The following ARF3 variants were observed in gnomAD, a reference collection of about 807,000 sequenced individuals.
The protein encoded by ARF3 is ARF GTPase 3.
Under a neutral mutation model 19.3 loss-of-function variants are expected in ARF3, and 5 were observed. That is an observed-to-expected ratio of 0.26 (90% CI 0.14 to 0.54). The LOEUF (loss-of-function observed/expected upper bound fraction) is 0.54. ARF3 is among the 20% of genes least tolerant of loss of function. The pLI is 0.95. For synonymous variants in ARF3, 71 were observed against 89.2 expected, an observed-to-expected ratio of 0.80 and a Z score of 1.15; for missense variants, 77 against 234.2, an observed-to-expected ratio of 0.33 and a Z score of 4.38.
At chr12:48,945,816 AT>A (rs552070414) in intron 1 of ARF3, among the ~76,000 whole-genome samples, 1 of 151,494 alleles carries the variant, frequency 6.6e-6, no homozygotes, top group East Asian at 1.9e-4. Flanking sequence ...TTATTTATTT[AT>A]TTTTTTTGAG....
chr12:48,945,966 C>G (rs548892024), intron 1 of ARF3, among the ~76,000 whole-genome samples: 11 of 152,246 alleles, frequency 7.2e-5, no homozygotes, highest in African/African-American at 2.6e-4. Flanking sequence ...CCATGCCTTG[C>G]TAATTTTTAT....
intron 1 of ARF3, among the ~76,000 whole-genome samples, chr12:48,948,206 C>CAA (rs151164110): frequency 0.042 from 6,234 of 147,454 alleles, 197 homozygotes; most frequent in Non-Finnish European, 0.061. Context: ...GAATATGTCT[C>CAA]AAAAAAAAGA....
intron 1 of ARF3, among the ~76,000 whole-genome samples, chr12:48,950,854 C>T (rs772860467): frequency 3.3e-5 from 5 of 151,938 alleles, no homozygotes; most frequent in Non-Finnish European, 5.9e-5. Flanking sequence ...GGCGCAATCT[C>T]GGCTCACTGC....
chr12:48,945,413 G>C (rs1293282002), intron 1 of ARF3, among the ~76,000 whole-genome samples: 2 of 151,992 alleles, frequency 1.3e-5, no homozygotes, highest in African/African-American at 4.8e-5. Flanking sequence ...CCCTGTCTCT[G>C]CTAAAAATAC....
chr12:48,939,159 C>T lies in ARF3; in HGVS notation c.385-51G>A. ...AAGAAGCCTCAGGATTTTTTAAAGG[C>T]TTCTAGAACACCCATCTACCAAAGA... is the stretch of plus-strand genomic sequence containing the variant. On this transcript the variant is annotated intron_variant, in intron 4 of 4. Transcript: ENST00000256682. The surrounding 1 kb of genome is among the most constrained non-coding windows in gnomAD (Gnocchi z 4.8). 6.3e-7 allele frequency: 1 copy of T among 1,575,564 alleles called. No homozygotes were observed. Among genetic ancestry groups the T allele is most frequent in the Non-Finnish European group, 8.6e-7 (1 of 1,156,506 alleles).
At chr12:48,950,691 C>T (rs1021734901) in intron 1 of ARF3, among the ~76,000 whole-genome samples, 2 of 152,156 alleles carry the variant, frequency 1.3e-5, no homozygotes, top group African/African-American at 2.4e-5. Context: ...TCCCTCCAGC[C>T]CCTGGCAACC....
In ARF3 at chr12:48,942,350, G is replaced by T. The variant is rs1043193037; in HGVS notation, c.-93-1162C>A. ...CCTGCCTTAGCCTCCCAGGGCACTG[G>T]GATTACAAGCATGAGCCACCATGCC... On this transcript the variant is annotated intron_variant, in intron 1 of 4. Transcript: ENST00000256682. Among the ~76,000 whole-genome samples the T allele has an allele frequency of 1.5e-4, 23 of 151,714 alleles. 1 individual carries two copies. Among genetic ancestry groups the T allele is most frequent in the Admixed American group, 6.6e-5 (1 of 15,214 alleles).
intron 1 of ARF3, chr12:48,953,268 A>G (rs1415620573): frequency 6.6e-6 from 1 of 152,102 alleles, no homozygotes; most frequent in Non-Finnish European, 1.5e-5. Flanking sequence ...CTCAGAGCCC[A>G]CAGGTTCTGC....
At chr12:48,940,821 C>T in intron 2 of ARF3, 127 bp downstream of exon 2, 1 of 1,295,622 alleles carries the variant, frequency 7.7e-7, no homozygotes. Flanking sequence ...ACACCACCCT[C>T]TTTTCTGAAC....
chr12:48,939,313 T>C lies in ARF3; in HGVS notation c.385-205A>G, dbSNP rs189481901. On this transcript the variant is annotated intron_variant, in intron 4 of 4. Transcript: ENST00000256682. The surrounding 1 kb of genome is among the most constrained non-coding windows in gnomAD (Gnocchi z 4.8). ...CACTAGAGGTCACTGTACTGAAGAA[T>C]TGGAAACCAAATACGAGGATGGTGG... Among the ~76,000 whole-genome samples, 227 of 152,162 alleles carry C rather than the reference T, an allele frequency of 1.5e-3. 2 individuals carry two copies. Among genetic ancestry groups the C allele is most frequent in the African/African-American group, 4.6e-3 (192 of 41,502 alleles).
At chr12:48,957,163 CCT>C (rs1483843391) in intron 1 of ARF3, 145 bp downstream of exon 1, 1 of 151,410 alleles carries the variant, frequency 6.6e-6, no homozygotes. Flanking sequence ...CCCGACGCAC[CCT>C]CTCTGAGCTC....
chr12:48,955,972 G>A (rs888730843), intron 1 of ARF3: 9 of 152,128 alleles, frequency 5.9e-5, no homozygotes, highest in Admixed American at 5.9e-4. Context: ...TCAAACTCAA[G>A]TCCAATGGGC....
chr12:48,945,162 A>T (rs1592240925), intron 1 of ARF3, among the ~76,000 whole-genome samples: 2 of 70,950 alleles, frequency 2.8e-5, no homozygotes, highest in Non-Finnish European at 3.0e-5. Context: ...AAAAAAAAAA[A>T]GGCCGGGCAC....
chr12:48,942,906 A>G (rs971336815), intron 1 of ARF3, among the ~76,000 whole-genome samples: 2 of 152,210 alleles, frequency 1.3e-5, no homozygotes, highest in African/African-American at 4.8e-5. Context: ...CAGGAGTTTG[A>G]GAACAGCCTA....
chr12:48,940,001 G>T lies in ARF3; in HGVS notation c.255C>A (p.Thr85=), dbSNP rs1300373816. 1 of 1,613,974 alleles carries T rather than the reference G, an allele frequency of 6.2e-7. No homozygotes were observed. Among genetic ancestry groups the T allele is most frequent in the Non-Finnish European group, 8.5e-7 (1 of 1,179,862 alleles). ...RPLWRHYFQN[T]QGLIFVVDSN... The stretch of plus-strand genomic sequence containing the variant: ...CCACGCTAGGCCTGAGCATACCTTG[G>T]GTGTTCTGGAAGTAGTGTCTCCAGA... Residue 85 remains threonine (T), a synonymous_variant, in exon 3 of 5, where the codon ACC becomes ACA. Coordinates refer to ENST00000256682, the MANE Select transcript of ARF3 (RefSeq NM_001659.3).
chr12:48,941,125 G>A lies in ARF3; in HGVS notation c.-30C>T. The A allele has an allele frequency of 6.3e-7, 1 of 1,599,590 alleles. No homozygotes were observed. Among genetic ancestry groups the A allele is most frequent in the Non-Finnish European group, 8.5e-7 (1 of 1,171,542 alleles). ...ACAGCAGCTGCTTTCTGGGGACAGT[G>A]GGGCCCAAGTAGGGGCAGTGGCAGT... On this transcript the variant is annotated 5_prime_UTR_variant, in exon 2 of 5. Coordinates refer to ENST00000256682, the MANE Select transcript of ARF3 (RefSeq NM_001659.3).
At chr12:48,955,732 A>C (rs1213373754) in intron 1 of ARF3, 1 of 152,250 alleles carries the variant, frequency 6.6e-6, no homozygotes, top group Non-Finnish European at 1.5e-5. Flanking sequence ...GACGAAATCC[A>C]GTTCCTGCAG....
chr12:48,946,140 A>C (rs551399196), intron 1 of ARF3, among the ~76,000 whole-genome samples: 11 of 152,232 alleles, frequency 7.2e-5, no homozygotes, highest in African/African-American at 2.6e-4. Flanking sequence ...GCTTGACTTA[A>C]ATGAGCATTT....
rs978123889 is a variant in ARF3, at chr12:48,936,277, T to C, written c.*2670A>G. ...CGTTATCCCACATTTTGAGCAAGGATAGAGAAGGTGAGTTATTAAACATAT... is the reference window on the plus strand; with the variant it reads ...CGTTATCCCACATTTTGAGCAAGGACAGAGAAGGTGAGTTATTAAACATAT... On this transcript the variant is annotated 3_prime_UTR_variant, in exon 5 of 5. Transcript: ENST00000256682. The C allele has an allele frequency of 3.9e-5, 6 of 152,504 alleles. No individual in the cohort carries two copies. The highest frequency in any genetic ancestry group is 5.9e-5 in the Non-Finnish European group (4 of 68,020). The allele number at this position is 152,504 out of a possible 1,614,324, so 9.4% of individuals were successfully genotyped here.
Sources: allele counts gnomAD v4.1 joint callset (sites outside exome capture counted in the v4.1 genomes callset), GRCh38; gene constraint gnomAD v4.1.1; non-coding constraint Gnocchi (gnomAD v3.1); transcripts MANE v1.5; gene names NCBI Gene and HGNC (gene_info 2026-07-23, HGNC 2026-07-21).